The following LARGE1 variants were observed in gnomAD, a reference collection of about 807,000 sequenced individuals.
LARGE1 encodes the protein LARGE xylosyl- and glucuronyltransferase 1.
Under a neutral mutation model 87.6 loss-of-function variants are expected in LARGE1, and 43 were observed. That is an observed-to-expected ratio of 0.49 (90% CI 0.38 to 0.63). The LOEUF (loss-of-function observed/expected upper bound fraction) is 0.63, where lower values mean the gene tolerates loss of function less well. Ranked by LOEUF, LARGE1 falls within the 30% of genes least tolerant of loss-of-function variation. The probability of loss-of-function intolerance (pLI) is 0.00; values close to 1 mark genes in which losing one functional copy is unlikely to be tolerated. For synonymous variants in LARGE1, 434 were observed against 394.6 expected, an observed-to-expected ratio of 1.10 and a Z score of -1.18; for missense variants, 802 against 1,000.2, an observed-to-expected ratio of 0.80 and a Z score of 2.67.
At chr22:33,229,944 C>T (rs909429503) in intron 11 of LARGE1, among the ~76,000 whole-genome samples, 3 of 145,822 alleles carry the variant, frequency 2.1e-5, no homozygotes, top group African/African-American at 7.5e-5. Flanking sequence ...AGCAGAGTCT[C>T]ATAAAAAACA....
intron 6 of LARGE1, among the ~76,000 whole-genome samples, chr22:33,446,414 A>C (rs1367229385): frequency 6.6e-6 from 1 of 152,160 alleles, no homozygotes; most frequent in Non-Finnish European, 1.5e-5. Context: ...CTGGGGCCCC[A>C]CTATGTGTGG....
chr22:33,468,678 T>A (rs573663932), intron 6 of LARGE1, among the ~76,000 whole-genome samples: 1 of 152,256 alleles, frequency 6.6e-6, no homozygotes, highest in South Asian at 2.1e-4. Flanking sequence ...TTAATCCCCG[T>A]TTGTATGGAT....
intron 1 of LARGE1, among the ~76,000 whole-genome samples, chr22:33,849,137 ATGATAG>A (rs1318228296): frequency 2.0e-5 from 3 of 152,190 alleles, no homozygotes; most frequent in Admixed American, 1.3e-4. Flanking sequence ...TGGTCTAGGA[ATGATAG>A]TGTGTCATCA....
intron 5 of LARGE1, among the ~76,000 whole-genome samples, chr22:33,592,490 A>G (rs1016621166): frequency 6.6e-6 from 1 of 152,174 alleles, no homozygotes; most frequent in African/African-American, 2.4e-5. Flanking sequence ...GTTAAAAGAT[A>G]CCACCTAAGT....
At chr22:33,386,029 GA>G (rs1001953067) in intron 7 of LARGE1, among the ~76,000 whole-genome samples, 2 of 147,892 alleles carry the variant, frequency 1.4e-5, no homozygotes, top group Non-Finnish European at 3.0e-5. Context: ...GGTGGAGTTG[GA>G]AAAAAAATAG....
intron 1 of LARGE1, among the ~76,000 whole-genome samples, chr22:33,858,523 G>C (rs976154220): frequency 6.6e-6 from 1 of 152,152 alleles, no homozygotes; most frequent in African/African-American, 2.4e-5. Context: ...TTTACCTCCT[G>C]TTTTTGCCTA....
chr22:33,445,534 T>C (rs748507380), intron 6 of LARGE1, among the ~76,000 whole-genome samples: 31 of 151,926 alleles, frequency 2.0e-4, no homozygotes, highest in Non-Finnish European at 4.0e-4. Context: ...AGTAAAGTGG[T>C]ATCTCAGAAA....
At chr22:33,678,466 G>A (rs1427017687) in intron 2 of LARGE1, among the ~76,000 whole-genome samples, 1 of 152,162 alleles carries the variant, frequency 6.6e-6, no homozygotes, top group Non-Finnish European at 1.5e-5. Flanking sequence ...GAGGAGGGGT[G>A]ACTGACATCG....
intron 11 of LARGE1, among the ~76,000 whole-genome samples, chr22:33,201,346 G>T (rs1050368416): frequency 6.8e-6 from 1 of 147,724 alleles, no homozygotes; most frequent in East Asian, 2.0e-4. Context: ...GAGAAAGAAA[G>T]AGAGAGAAAG....
intron 5 of LARGE1, among the ~76,000 whole-genome samples, chr22:33,585,109 T>C (rs1021270287): frequency 1.3e-5 from 2 of 152,162 alleles, no homozygotes; most frequent in Admixed American, 1.3e-4. Context: ...ACAGCAAGAC[T>C]TCGTCTCAAT....
chr22:33,337,268 G>A (rs1569070107), intron 10 of LARGE1, among the ~76,000 whole-genome samples: 4 of 152,096 alleles, frequency 2.6e-5, no homozygotes, highest in African/African-American at 7.2e-5. Context: ...GTTTCCCCAT[G>A]CACTGACTAC....
intron 11 of LARGE1, chr22:33,305,644 G>T: frequency 1.0e-6 from 1 of 969,078 alleles, no homozygotes; most frequent in Non-Finnish European, 1.2e-6. Context: ...AAGGAAATGG[G>T]CACACCTATC....
intron 1 of LARGE1, among the ~76,000 whole-genome samples, chr22:33,808,974 T>C (rs2086404613): frequency 8.4e-6 from 1 of 119,610 alleles, no homozygotes; most frequent in Non-Finnish European, 1.7e-5. Flanking sequence ...CCCCATGTAT[T>C]AAAAAGCTCA....
chr22:33,565,046 T>C (rs761862777), intron 5 of LARGE1, 27 bp from the exon 6 acceptor site: 1 of 1,609,578 alleles, frequency 6.2e-7, no homozygotes, highest in African/African-American at 1.3e-5. Flanking sequence ...AGAGAGAGAG[T>C]TGGAGAAAGG....
chr22:33,379,437 G>A (rs1156525099), intron 9 of LARGE1, among the ~76,000 whole-genome samples: 4 of 151,624 alleles, frequency 2.6e-5, no homozygotes, highest in East Asian at 1.9e-4. Flanking sequence ...GACAGGCCCC[G>A]GTGTGTGATG....
the LARGE1 span, among the ~76,000 whole-genome samples, chr22:33,098,543 C>A: frequency 5.3e-5 from 8 of 152,146 alleles, no homozygotes; most frequent in African/African-American, 1.9e-4. Flanking sequence ...ATGGCGTGAA[C>A]CCAGGAGGCG....
intron 6 of LARGE1, among the ~76,000 whole-genome samples, chr22:33,464,198 G>T (rs974957597): frequency 6.6e-6 from 1 of 151,982 alleles, no homozygotes; most frequent in Non-Finnish European, 1.5e-5. Context: ...AAAAAATCTT[G>T]GAACAAATCA....
intron 4 of LARGE1, among the ~76,000 whole-genome samples, chr22:33,617,547 A>T (rs558051811): frequency 6.6e-6 from 1 of 152,340 alleles, no homozygotes; most frequent in East Asian, 1.9e-4. Context: ...TATAACATCT[A>T]AAATAGTCTT....
chr22:33,317,738 A>G (rs566839400), intron 10 of LARGE1, among the ~76,000 whole-genome samples: 2 of 152,314 alleles, frequency 1.3e-5, no homozygotes, highest in South Asian at 4.1e-4. Flanking sequence ...TTACAGATGA[A>G]GAACTGAAAT....
Sources: gnomAD v4.1 joint callset for allele counts (sites outside exome capture counted in the v4.1 genomes callset) on GRCh38, gnomAD v4.1.1 for gene constraint, MANE v1.5 for transcripts, NCBI Gene and HGNC (gene_info 2026-07-23, HGNC 2026-07-21) for gene names.